The following CDK5RAP2 variants were observed in gnomAD, a reference collection of about 807,000 sequenced individuals.
CDK5RAP2 encodes the protein CDK5 regulatory subunit associated protein 2, also known as CDK5 regulatory subunit-associated protein 2.
CDK5RAP2 carries 147 observed loss-of-function variants against 232.9 expected under a neutral mutation model. The ratio of observed to expected loss-of-function variants is 0.63; its 90% CI spans 0.55 to 0.72. CDK5RAP2 has a LOEUF of 0.72. Ranked by LOEUF, CDK5RAP2 falls within the 30% of genes least tolerant of loss-of-function variation. The probability of loss-of-function intolerance (pLI) is 0.00; values close to 1 mark genes in which losing one functional copy is unlikely to be tolerated. For synonymous variants in CDK5RAP2, 833 were observed against 833.7 expected (o/e 1.00, Z 0.01); for missense variants, 2,195 against 2,231.5 (o/e 0.98, Z 0.33).
At chr9:120,416,132 G>C (rs2034201690) in intron 27 of CDK5RAP2, among the ~76,000 whole-genome samples, 1 of 152,138 alleles carries the variant, frequency 6.6e-6, no homozygotes, top group Non-Finnish European at 1.5e-5. Flanking sequence ...TAAGCAAACA[G>C]TTCTGCAGCA....
chr9:120,459,564 A>C (rs2036968657), intron 19 of CDK5RAP2, among the ~76,000 whole-genome samples: 1 of 152,236 alleles, frequency 6.6e-6, no homozygotes, highest in Admixed American at 6.5e-5. Context: ...CCAAAGAAGG[A>C]AATGTCTAGA....
intron 25 of CDK5RAP2, among the ~76,000 whole-genome samples, chr9:120,431,382 G>T (rs1240936629): frequency 6.6e-6 from 1 of 152,160 alleles, no homozygotes; most frequent in Non-Finnish European, 1.5e-5. Flanking sequence ...CTCAAATTCA[G>T]ACTCTGTCAC....
rs560252070 is a variant in CDK5RAP2, at chr9:120,558,013, A to G, written c.196-7111T>C. 8.8e-5 allele frequency among the ~76,000 whole-genome samples: 13 copies of G among 147,070 alleles called. 1 individual carries two copies. Among genetic ancestry groups the G allele is most frequent in the South Asian group, 6.6e-4 (3 of 4,566 alleles). On this transcript the variant is annotated intron_variant, in intron 3 of 37. Transcript: ENST00000349780. ...ACTCCTGACCTCAGGTGATTTGCCC[A>G]CCTCGGCCTCCCAAAGTGCTGGGAT...
intron 25 of CDK5RAP2, among the ~76,000 whole-genome samples, chr9:120,433,443 C>T (rs2035395212): frequency 6.6e-6 from 1 of 152,152 alleles, no homozygotes; most frequent in Admixed American, 6.5e-5. Context: ...AAAGGCTCCA[C>T]CAATTAGGTA....
intron 32 of CDK5RAP2, 62 bp downstream of exon 32, chr9:120,406,950 C>T (rs923804649): frequency 5.7e-6 from 7 of 1,232,700 alleles, no homozygotes; most frequent in Non-Finnish European, 8.3e-6. Context: ...CAGAAGTTCA[C>T]ATGTCACACA....
intron 3 of CDK5RAP2, among the ~76,000 whole-genome samples, chr9:120,556,127 C>G (rs2042219712): frequency 6.6e-6 from 1 of 152,084 alleles, no homozygotes; most frequent in South Asian, 2.1e-4. Context: ...ATTACACGTG[C>G]CAAGAACTGC....
At chr9:120,474,084 C>T (rs1210055534) in intron 15 of CDK5RAP2, among the ~76,000 whole-genome samples, 2 of 152,202 alleles carry the variant, frequency 1.3e-5, no homozygotes, top group Non-Finnish European at 2.9e-5. Flanking sequence ...GCCAGTTCAA[C>T]TAACTGAGTC....
chr9:120,567,129 G>A (rs1280049300), intron 3 of CDK5RAP2, among the ~76,000 whole-genome samples: 1 of 152,154 alleles, frequency 6.6e-6, no homozygotes, highest in African/African-American at 2.4e-5. Flanking sequence ...TAATAGTAGA[G>A]CATATTTTAA....
Position 120,447,475 on chromosome 9 carries a change from C to T in CDK5RAP2, c.3025+420G>A, listed in dbSNP as rs147885703. Among the ~76,000 whole-genome samples, 67 of 152,290 alleles carry T rather than the reference C, an allele frequency of 4.4e-4. No homozygotes were observed. The East Asian group carries it at 0.013, about 29-fold the overall frequency. ...GAAGTGGGTTACTTCTAGAGGAAGA[C>T]GCAAGGTTAGTAAGGTTTGGAATTA... On this transcript the variant is annotated intron_variant, in intron 22 of 37. Coordinates refer to ENST00000349780, the MANE Select transcript of CDK5RAP2 (RefSeq NM_018249.6).
intron 14 of CDK5RAP2, among the ~76,000 whole-genome samples, chr9:120,485,901 A>G (rs940102268): frequency 3.9e-5 from 6 of 152,344 alleles, no homozygotes; most frequent in African/African-American, 9.6e-5. Context: ...CAAGGGCTCC[A>G]TAAGTCCATG....
chr9:120,545,611 A>C (rs1358429886), intron 5 of CDK5RAP2, 103 bp downstream of exon 5: 4 of 871,564 alleles, frequency 4.6e-6, no homozygotes, highest in Non-Finnish European at 7.9e-6. Context: ...CAGTCCTCAG[A>C]GTCCAGATGG....
At position 120,433,583 on chromosome 9, in the gene CDK5RAP2, C is replaced by A. The variant is rs117307090; in HGVS notation, c.3955+3712G>T. 4.6e-3 allele frequency among the ~76,000 whole-genome samples: 697 copies of A among 152,338 alleles called. 2 individuals are homozygous for A. The highest frequency in any genetic ancestry group is 0.014 in the Middle Eastern group (4 of 294). ...CCAGCCCAGCTCCAATGACTGCATT[C>A]TTCACTACTAGGCCCATTTATTTAA... On this transcript the variant is annotated intron_variant, in intron 25 of 37. Transcript: ENST00000349780.
Position 120,448,025 on chromosome 9 carries a change from C to G in CDK5RAP2, c.2895G>C (p.Gln965His). Residue 965 changes from glutamine (Q) to histidine (H), a missense_variant, in exon 22 of 38, where the codon CAG becomes CAC. Gln to His is a conservative substitution (Grantham distance 24). Transcript: ENST00000349780. ...PATQEVVTQL[Q>H]SQILELQGEL... is the part of the protein sequence containing the mutation. The stretch of plus-strand genomic sequence containing the variant: ...CCCCCTGCAGCTCCAAGATCTGGCT[C>G]TGCAGCTGCGTCACCACCTCCTGGG... 1 of 1,614,204 alleles carries G rather than the reference C, an allele frequency of 6.2e-7. No homozygotes were observed. The highest frequency in any genetic ancestry group is 8.5e-7 in the Non-Finnish European group (1 of 1,180,024).
chr9:120,559,364 G>A (rs2042372016), intron 3 of CDK5RAP2, among the ~76,000 whole-genome samples: 1 of 151,472 alleles, frequency 6.6e-6, no homozygotes, highest in South Asian at 2.1e-4. Flanking sequence ...GCGGGTGCCT[G>A]TAGTCCTAGC....
intron 3 of CDK5RAP2, among the ~76,000 whole-genome samples, chr9:120,565,599 G>A (rs1011014062): frequency 6.6e-6 from 1 of 152,068 alleles, no homozygotes; most frequent in Non-Finnish European, 1.5e-5. Flanking sequence ...CCTCCTTCCA[G>A]CCAGTAAGTT....
At chr9:120,433,717 C>A (rs1372117518) in intron 25 of CDK5RAP2, among the ~76,000 whole-genome samples, 2 of 152,298 alleles carry the variant, frequency 1.3e-5, no homozygotes, top group Middle Eastern at 3.4e-3. Context: ...CTATATGATA[C>A]CAACTATAAT....
At chr9:120,519,822 TTCTC>T (rs556316523) in intron 11 of CDK5RAP2, among the ~76,000 whole-genome samples, 4 of 152,342 alleles carry the variant, frequency 2.6e-5, no homozygotes, top group Admixed American at 2.0e-4. Context: ...TTTTGAGAGA[TTCTC>T]TCTGTTATTT....
At chr9:120,565,895 T>C (rs1274062679) in intron 3 of CDK5RAP2, among the ~76,000 whole-genome samples, 3 of 152,194 alleles carry the variant, frequency 2.0e-5, no homozygotes, top group Non-Finnish European at 4.4e-5. Context: ...ACAGGGGGAC[T>C]TACCTGGTCT....
intron 34 of CDK5RAP2, among the ~76,000 whole-genome samples, chr9:120,402,115 G>C (rs1353126001): frequency 2.0e-5 from 3 of 152,112 alleles, no homozygotes; most frequent in African/African-American, 7.2e-5. Context: ...AACAGAGTGA[G>C]ACCCTGTCTC....
Sources: gnomAD v4.1 joint callset for allele counts (sites outside exome capture counted in the v4.1 genomes callset) on GRCh38, gnomAD v4.1.1 for gene constraint, MANE v1.5 for transcripts, NCBI Gene and HGNC (gene_info 2026-07-23, HGNC 2026-07-21) for gene names.